Variants in COL17A1 observed in about 807,000 individuals in gnomAD.
COL17A1 encodes collagen alpha-1(XVII) chain.
Under a neutral mutation model 218.4 loss-of-function variants are expected in COL17A1, and 181 were observed. The ratio of observed to expected loss-of-function variants is 0.83; its 90% confidence interval spans 0.73 to 0.94. The LOEUF is 0.94. COL17A1 is among the 40% of genes least tolerant of loss of function. COL17A1 has a pLI of 0.00. For missense variants in COL17A1, 1,924 were observed against 1,945.9 expected, an observed-to-expected ratio of 0.99 and a Z score of 0.21; for synonymous variants, 721 against 731.0, an observed-to-expected ratio of 0.99 and a Z score of 0.22.
At chr10:104,063,690 T>A in intron 11 of COL17A1, 57 bp downstream of exon 11, 2 of 1,611,262 alleles carry the variant, frequency 1.2e-6, no homozygotes, top group South Asian at 2.2e-5. Flanking sequence ...GGGTGAAGCA[T>A]CCTAACACTT....
At position 104,035,459 on chromosome 10, in the gene COL17A1, C is replaced by T. The variant is rs1417519484; in HGVS notation, c.3508+15G>A. The T allele has an allele frequency of 6.2e-7, 1 of 1,613,962 alleles. No homozygotes were observed. The highest frequency in any genetic ancestry group is 2.2e-5 in the East Asian group (1 of 44,852). ...TCCCCAACCAGTTGGACAGATGTCC[C>T]CTGCTGGGCCTTACCTCGCAGCAAG... On this transcript the variant is annotated intron_variant, in intron 49 of 55. Coordinates refer to ENST00000648076, the MANE Select transcript of COL17A1 (RefSeq NM_000494.4).
At position 104,032,303 on chromosome 10, in the gene COL17A1, A is replaced by C. The variant is rs1245681819; in HGVS notation, c.4439-13T>G. ...TAGACTTGGTCACCTGAAAGTTAGA[A>C]GATCAGTAGGAAGTTAAAACATATC... On this transcript the variant is annotated splice_polypyrimidine_tract_variant and intron_variant, in intron 55 of 55. Transcript: ENST00000648076. 2 of 1,612,834 alleles carry C rather than the reference A, an allele frequency of 1.2e-6. No homozygotes were observed. The highest frequency in any genetic ancestry group is 1.7e-5 in the Admixed American group (1 of 60,030).
chr10:104,054,235 T>C, intron 20 of COL17A1, 117 bp from the exon 21 acceptor site: 2 of 966,332 alleles, frequency 2.1e-6, no homozygotes, highest in East Asian at 5.2e-5. Context: ...AAAATGCAGA[T>C]GTCCAGTTAC....
Position 104,036,529 on chromosome 10 carries a change from A to G in COL17A1, c.3381T>C (p.Tyr1127=). The G allele has an allele frequency of 6.2e-7, 1 of 1,614,000 alleles. No homozygotes were observed. Among genetic ancestry groups the G allele is most frequent in the Non-Finnish European group, 8.5e-7 (1 of 1,179,940 alleles). The change falls in exon 48 of 56, where the codon TAT becomes TAC. Residue 1127 remains tyrosine (Y), a synonymous_variant. Coordinates refer to ENST00000648076, the MANE Select transcript of COL17A1 (RefSeq NM_000494.4). ...SGDGSLLSLD[Y]AELSSRILSY... is the part of the protein sequence containing the mutation. ...TGAGAATGCGACTACTCAGCTCTGC[A>G]TAGTCCAAAGACAGGAGGGACCCAT... is the stretch of plus-strand genomic sequence containing the variant.
chr10:104,033,987 C>T lies in COL17A1; in HGVS notation c.4114G>A (p.Asp1372Asn), dbSNP rs771987549. Residue 1372 changes from aspartate to asparagine, a missense_variant, in exon 52 of 56, where the codon GAT becomes AAT. By Grantham distance (23) the Asp-to-Asn change is conservative. Transcript: ENST00000648076. ...LLGADFAGDL[D>N]YNELAVRVSE... is the part of the protein sequence containing the mutation. ...ACCCTCACAGCCAGCTCATTGTAAT[C>T]CAGATCTCCAGCAAAGTCAGCTCCC... 4 of 1,614,090 alleles carry T rather than the reference C, an allele frequency of 2.5e-6. No homozygotes were observed. The highest frequency in any genetic ancestry group is 2.2e-5 in the East Asian group (1 of 44,888).
In COL17A1 at chr10:104,033,463, T is replaced by A. The variant is rs1346985997; in HGVS notation, c.4157-88A>T. 3 of 1,496,084 alleles carry A rather than the reference T, an allele frequency of 2.0e-6. No homozygotes were observed. The Admixed American group carries it at 5.7e-5, about 28-fold the overall frequency. 92.7% of individuals were successfully genotyped at this position (1,496,084 alleles called of 1,614,324 possible). A position where few individuals can be genotyped will look rare whatever the true frequency, so the allele number is the denominator to read the frequency against. ...GCACAGTGCCCTCCGAGTGTCAAAC[T>A]CCCAAAGCAGTTGAACTAGATCAAG... is the stretch of plus-strand genomic sequence containing the variant. On this transcript the variant is annotated intron_variant, in intron 52 of 55. Transcript: ENST00000648076.
chr10:104,033,880 A>G (rs1026349759), intron 52 of COL17A1, 65 bp downstream of exon 52: 25 of 1,608,708 alleles, frequency 1.6e-5, no homozygotes, highest in Non-Finnish European at 2.0e-5. Context: ...CAAACAAGAA[A>G]GCCAGTCTGG....
In COL17A1 at chr10:104,041,120, T is replaced by G; in HGVS notation, c.2648-2A>C. 3.7e-6 allele frequency: 6 copies of G among 1,609,530 alleles called. No homozygotes were observed. The highest frequency in any genetic ancestry group is 5.1e-6 in the Non-Finnish European group (6 of 1,178,278). On this transcript the variant is annotated splice_acceptor_variant, in intron 38 of 55. Transcript: ENST00000648076. LOFTEE classifies it high-confidence loss of function. ...CTGGTGGGCCTGGCAAACCCTCCCC[T>G]AGGAAAGAGAACCCCCAAGACTTAT...
rs754387703 is a variant in COL17A1 at position 104,032,694 on chromosome 10, T to G, written c.4418A>C (p.Lys1473Thr). The change falls in exon 55 of 56, where the codon AAG (lysine) becomes ACG (threonine). Residue 1473 changes from lysine (K) to threonine (T), a missense_variant. Transcript: ENST00000648076. ...HPGPPGPRGH[K>T]GEKGDKGDQV... ...CTTACCTTTGTCTCCTTTTTCTCCC[T>G]TGTGTCCTCGAGGGCCAGGTGGCCC... The G allele has an allele frequency of 1.2e-6, 2 of 1,614,098 alleles. No homozygotes were observed. The highest frequency in any genetic ancestry group is 1.7e-6 in the Non-Finnish European group (2 of 1,179,974).
At chr10:104,064,073 G>C (rs1039840752) in intron 10 of COL17A1, among the ~76,000 whole-genome samples, 1 of 152,216 alleles carries the variant, frequency 6.6e-6, no homozygotes, top group Non-Finnish European at 1.5e-5. Context: ...CCAGCCAAAG[G>C]CTCTCTTGTG....
intron 44 of COL17A1, 43 bp from the exon 45 acceptor site, chr10:104,038,571 A>T (rs749360326): frequency 4.4e-6 from 7 of 1,603,150 alleles, no homozygotes; most frequent in Middle Eastern, 1.7e-4. Flanking sequence ...TCTCCACCCT[A>T]GGGTCAGACA....
intron 33 of COL17A1, 60 bp downstream of exon 33, chr10:104,045,698 C>T: frequency 7.2e-7 from 1 of 1,388,840 alleles, no homozygotes; most frequent in Non-Finnish European, 1.0e-6. Flanking sequence ...CCTGTCCATC[C>T]CTTCCTTCCA....
At chr10:104,058,095 TA>T (rs1370484616) in intron 16 of COL17A1, 50 bp downstream of exon 16, 4 of 1,612,242 alleles carry the variant, frequency 2.5e-6, no homozygotes, top group Non-Finnish European at 3.4e-6. Flanking sequence ...CCATTAGCCA[TA>T]AGCAGCCCCA....
At chr10:104,050,579 A>T (rs368164050) in intron 27 of COL17A1, 42 bp downstream of exon 27, 1 of 1,612,288 alleles carries the variant, frequency 6.2e-7, no homozygotes, top group African/African-American at 1.3e-5. Context: ...CCCAGGAGTG[A>T]GGCAGGCCCT....
At chr10:104,037,142 G>A (rs1332539562) in intron 46 of COL17A1, 29 bp from the exon 47 acceptor site, 1 of 1,582,678 alleles carries the variant, frequency 6.3e-7, no homozygotes, top group East Asian at 2.3e-5. Context: ...CAGGTTACCT[G>A]CTTAGCAGGT....
At chr10:104,076,066 G>T (rs560627159) in intron 5 of COL17A1, among the ~76,000 whole-genome samples, 1 of 152,326 alleles carries the variant, frequency 6.6e-6, no homozygotes, top group Non-Finnish European at 1.5e-5. Context: ...CGCATAGCAG[G>T]TACTGGATAA....
chr10:104,036,161 A>T (rs1200310009), intron 48 of COL17A1, among the ~76,000 whole-genome samples: 9 of 342 alleles, frequency 0.026, 1 homozygote, highest in South Asian at 0.14. Flanking sequence ...TGGGAGTGTG[A>T]GTATGGGTGT....
At chr10:104,079,473 G>T (rs1213378468) in intron 2 of COL17A1, among the ~76,000 whole-genome samples, 1 of 152,092 alleles carries the variant, frequency 6.6e-6, no homozygotes, top group African/African-American at 2.4e-5. Flanking sequence ...GATGGTGCAG[G>T]ATCATTTTGT....
intron 7 of COL17A1, 56 bp from the exon 8 acceptor site, chr10:104,072,135 C>T (rs1189915575): frequency 4.3e-6 from 7 of 1,611,266 alleles, no homozygotes; most frequent in Non-Finnish European, 5.9e-6. Flanking sequence ...GATCACAATC[C>T]CTGACACTGA....
Sources: gnomAD v4.1 joint callset for allele counts (sites outside exome capture counted in the v4.1 genomes callset) on GRCh38, gnomAD v4.1.1 for gene constraint, MANE v1.5 for transcripts, NCBI Gene and HGNC (gene_info 2026-07-23, HGNC 2026-07-21) for gene names.